CPA6: variants seen among roughly 807,000 people sequenced by gnomAD.
The protein encoded by CPA6 is carboxypeptidase B.
A neutral mutation model predicts 63.3 loss-of-function variants in CPA6; 58 were observed. The ratio of observed to expected loss-of-function variants is 0.92; its 90% CI spans 0.74 to 1.14. The LOEUF is 1.14. Ranked by LOEUF, CPA6 falls within the 50% of genes most tolerant of loss-of-function variation. CPA6 has a pLI of 0.00. For synonymous variants in CPA6, 185 were observed against 179.0 expected, an observed-to-expected ratio of 1.03 and a Z score of -0.27; for missense variants, 565 against 526.6, an observed-to-expected ratio of 1.07 and a Z score of -0.71.
intron 6 of CPA6, among the ~76,000 whole-genome samples, chr8:67,500,306 C>T (rs568749409): frequency 2.6e-5 from 4 of 152,162 alleles, no homozygotes; most frequent in Admixed American, 6.5e-5. Flanking sequence ...ATCTTTTTTG[C>T]GTGTGCTTAT....
intron 1 of CPA6, among the ~76,000 whole-genome samples, chr8:67,688,527 C>T (rs767021569): frequency 6.6e-5 from 10 of 152,178 alleles, no homozygotes; most frequent in Non-Finnish European, 1.3e-4. Context: ...AGCTGCCTTA[C>T]TGTGGACTTT....
At chr8:67,629,392 G>T (rs1815267243) in intron 1 of CPA6, among the ~76,000 whole-genome samples, 1 of 149,262 alleles carries the variant, frequency 6.7e-6, no homozygotes, top group Admixed American at 6.7e-5. Context: ...GAGGCAGGAG[G>T]ATCACTCAGG....
chr8:67,746,281 T>A lies in CPA6; in HGVS notation c.-152A>T. On this transcript the variant is annotated 5_prime_UTR_variant, in exon 1 of 11. Coordinates refer to ENST00000297770, the MANE Select transcript of CPA6 (RefSeq NM_020361.5). ...GCAAAATGTGACACTTCTCTCCAGC[T>A]ACAAGGGAAAAAAAAAGTTCAGGCA... is the stretch of plus-strand genomic sequence containing the variant. The A allele has an allele frequency of 2.0e-6, 1 of 491,762 alleles. No homozygotes were observed. Among genetic ancestry groups the A allele is most frequent in the East Asian group, 3.1e-5 (1 of 31,822 alleles). The allele number at this position is 491,762 out of a possible 1,614,324, so 30.5% of individuals were successfully genotyped here.
intron 1 of CPA6, among the ~76,000 whole-genome samples, chr8:67,699,500 T>TAAAC (rs1816977494): frequency 6.6e-6 from 1 of 151,004 alleles, no homozygotes; most frequent in Non-Finnish European, 1.5e-5. Flanking sequence ...AATAAATAAA[T>TAAAC]AAATAAACAA....
intron 1 of CPA6, among the ~76,000 whole-genome samples, chr8:67,638,305 G>A (rs1815515523): frequency 6.6e-6 from 1 of 151,316 alleles, no homozygotes; most frequent in African/African-American, 2.5e-5. Flanking sequence ...CTTGAACTTG[G>A]CTCTAGGTAG....
At chr8:67,731,257 C>T (rs1817700106) in intron 1 of CPA6, among the ~76,000 whole-genome samples, 1 of 152,184 alleles carries the variant, frequency 6.6e-6, no homozygotes, top group Non-Finnish European at 1.5e-5. Context: ...AATTCTTTTT[C>T]ACACACAAAA....
At chr8:67,498,506 A>G (rs1224703696) in intron 6 of CPA6, among the ~76,000 whole-genome samples, 1 of 147,162 alleles carries the variant, frequency 6.8e-6, no homozygotes, top group African/African-American at 2.6e-5. Flanking sequence ...ACTACACTCC[A>G]ACCTGGGTGA....
chr8:67,661,497 G>A (rs1284689135), intron 1 of CPA6, among the ~76,000 whole-genome samples: 1 of 152,216 alleles, frequency 6.6e-6, no homozygotes, highest in East Asian at 1.9e-4. Flanking sequence ...TCTTGCTCCT[G>A]TAGTTTCTGC....
chr8:67,563,078 A>G (rs147356230), intron 2 of CPA6, among the ~76,000 whole-genome samples: 785 of 152,086 alleles, frequency 5.2e-3, no homozygotes, highest in Non-Finnish European at 6.8e-3. Context: ...TTGCTCAATG[A>G]ATGTTTGTAG....
At position 67,508,063 on chromosome 8, in the gene CPA6, A is replaced by G. The variant is rs1034489194; in HGVS notation, c.535-1175T>C. Among the ~76,000 whole-genome samples, 4 of 144,042 alleles carry G rather than the reference A, an allele frequency of 2.8e-5. No homozygotes were observed. The Admixed American group carries it at 2.9e-4, about 10-fold the overall frequency. 94.5% of individuals were successfully genotyped at this position (144,042 alleles called of 152,430 possible). A position where few individuals can be genotyped will look rare whatever the true frequency, so the allele number is the denominator to read the frequency against. On this transcript the variant is annotated intron_variant, in intron 5 of 10. Coordinates refer to ENST00000297770, the MANE Select transcript of CPA6 (RefSeq NM_020361.5). ...TGTGTGTGTGTCTGTTTGCTTGCTCATGTTTGAGGGCTCATATTGGCAGCA... is the reference window on the plus strand; with the variant it reads ...TGTGTGTGTGTCTGTTTGCTTGCTCGTGTTTGAGGGCTCATATTGGCAGCA...
intron 1 of CPA6, among the ~76,000 whole-genome samples, chr8:67,656,073 G>A (rs387663): frequency 0.3 from 45,472 of 151,630 alleles, 7,371 homozygotes; most frequent in African/African-American, 0.43. Context: ...AGCAAACAAG[G>A]GCAGGCAATT....
intron 8 of CPA6, among the ~76,000 whole-genome samples, chr8:67,437,441 T>G (rs1049016921): frequency 2.0e-5 from 3 of 151,834 alleles, no homozygotes; most frequent in Admixed American, 6.6e-5. Flanking sequence ...TAGCTGATAC[T>G]CTGGAGGGAA....
intron 8 of CPA6, among the ~76,000 whole-genome samples, chr8:67,435,627 CAT>C (rs1491394326): frequency 6.1e-5 from 8 of 131,100 alleles, no homozygotes; most frequent in Middle Eastern, 3.8e-3. Context: ...TGTGTGCGTG[CAT>C]GTGTGTGTGT....
chr8:67,445,484 G>T (rs1420487099), intron 8 of CPA6, among the ~76,000 whole-genome samples: 6 of 152,034 alleles, frequency 3.9e-5, no homozygotes, highest in African/African-American at 1.2e-4. Context: ...TTATATATGT[G>T]TCTCTTGTTT....
At chr8:67,674,227 G>A (rs1398634655) in intron 1 of CPA6, among the ~76,000 whole-genome samples, 2 of 152,344 alleles carry the variant, frequency 1.3e-5, no homozygotes, top group South Asian at 2.1e-4. Flanking sequence ...CTCAGGCTTA[G>A]GAGTCAGGCT....
In CPA6 at chr8:67,539,653, C is replaced by T. The variant is rs183013645; in HGVS notation, c.193-21606G>A. Reference sequence around the variant, plus strand: ...TATGCCAATCAAATGTAGGTTTGGTCTTTTCACATAGTTCCATATTTCTTG... The same window carrying T: ...TATGCCAATCAAATGTAGGTTTGGTTTTTTCACATAGTTCCATATTTCTTG... On this transcript the variant is annotated intron_variant, in intron 2 of 10. Coordinates refer to ENST00000297770, the MANE Select transcript of CPA6 (RefSeq NM_020361.5). 1.2e-3 allele frequency among the ~76,000 whole-genome samples: 185 copies of T among 152,272 alleles called. 2 individuals carry two copies. The highest frequency in any genetic ancestry group is 4.2e-3 in the African/African-American group (174 of 41,556).
chr8:67,565,166 C>CTT (rs374295217), intron 2 of CPA6, among the ~76,000 whole-genome samples: 10 of 115,720 alleles, frequency 8.6e-5, no homozygotes, highest in East Asian at 5.1e-4. Flanking sequence ...TTTTCTTTTT[C>CTT]TTTCTTTTTT....
At chr8:67,509,151 C>G (rs186364076) in intron 5 of CPA6, among the ~76,000 whole-genome samples, 1 of 152,268 alleles carries the variant, frequency 6.6e-6, no homozygotes, top group East Asian at 1.9e-4. Context: ...CACCTCCCAC[C>G]AGGTTCCTCC....
chr8:67,595,290 G>A (rs551479988), intron 2 of CPA6, among the ~76,000 whole-genome samples: 3,415 of 152,216 alleles, frequency 0.022, 67 homozygotes, highest in African/African-American at 0.051. Flanking sequence ...GTCTGCCCCT[G>A]CTCGGGGGTG....
Sources: allele counts gnomAD v4.1 joint callset (sites outside exome capture counted in the v4.1 genomes callset), GRCh38; gene constraint gnomAD v4.1.1; transcripts MANE v1.5; gene names NCBI Gene and HGNC (gene_info 2026-07-23, HGNC 2026-07-21).